Variants in UNC13D observed in about 807,000 individuals in gnomAD.
The protein encoded by UNC13D is unc-13 homolog D.
Under a neutral mutation model 151.7 loss-of-function variants are expected in UNC13D, and 115 were observed. The ratio of observed to expected loss-of-function variants is 0.76; its 90% CI spans 0.65 to 0.88. The LOEUF is 0.88. UNC13D is among the 40% of genes least tolerant of loss of function. The pLI is 0.00. For synonymous variants in UNC13D, 588 were observed against 612.2 expected, an observed-to-expected ratio of 0.96 and a Z score of 0.58; for missense variants, 1,369 against 1,438.7, an observed-to-expected ratio of 0.95 and a Z score of 0.78.
intron 29 of UNC13D, 77 bp downstream of exon 29, chr17:75,830,285 G>T: frequency 1.3e-6 from 2 of 1,565,996 alleles, no homozygotes; most frequent in Non-Finnish European, 1.7e-6. Flanking sequence ...TGCAGGGTGA[G>T]CGAAGCCCCC....
chr17:75,830,542 G>A (rs1478064878), intron 28 of UNC13D, 36 bp downstream of exon 28: 2 of 1,572,872 alleles, frequency 1.3e-6, no homozygotes, highest in East Asian at 2.3e-5. Flanking sequence ...GTGCTCCAGG[G>A]CCTGCAGAGG....
In UNC13D at chr17:75,840,781, C is replaced by G. The variant is rs1211012191; in HGVS notation, c.664G>C (p.Asp222His). The change falls in exon 8 of 32, where the codon GAT becomes CAT. Residue 222 changes from aspartate to histidine, a missense_variant. Physicochemically the swap from Asp to His is moderately conservative, Grantham distance 81. Transcript: ENST00000207549. The surrounding 1 kb of genome is among the most constrained non-coding windows in gnomAD (Gnocchi z 4.6). ...SVRQKLGELTDLHGLRRIFKE... is the reference protein window; with the variant it reads ...SVRQKLGELTHLHGLRRIFKE... ...ACGAACCTGCGAAGCCCATGCAGAT[C>G]CGTGAGCTCCCCAAGCTTCTGTCGG... 1 of 1,613,898 alleles carries G rather than the reference C, an allele frequency of 6.2e-7. No individual in the cohort carries two copies. Among genetic ancestry groups the G allele is most frequent in the Non-Finnish European group, 8.5e-7 (1 of 1,180,050 alleles).
In UNC13D at chr17:75,830,062, CCTT is replaced by C. The variant is rs777727127; in HGVS notation, c.2917_2919del (p.Lys973del). ...GTCTCATCAAACAATGGGTGAAGGT[CCTT>C]CTTGTGCTTCTGGGTCTCCCGGGCG... On this transcript the variant is annotated inframe_deletion, in exon 30 of 32. Coordinates refer to ENST00000207549, the MANE Select transcript of UNC13D (RefSeq NM_199242.3). 2 of 1,577,106 alleles carry C rather than the reference CCTT, an allele frequency of 1.3e-6. No individual in the cohort carries two copies. Among genetic ancestry groups the C allele is most frequent in the Admixed American group, 3.7e-5 (2 of 53,688 alleles).
At position 75,827,371 on chromosome 17, in the gene UNC13D, C is replaced by A; in HGVS notation, c.*594G>T. ...TTCCGTCTGTCTGTGCCAGCCCTGC[C>A]GCCTGCCAGCTCTTGCTCCCTCAGA... is the stretch of plus-strand genomic sequence containing the variant. On this transcript the variant is annotated 3_prime_UTR_variant, in exon 32 of 32. Coordinates refer to ENST00000207549, the MANE Select transcript of UNC13D (RefSeq NM_199242.3). The A allele has an allele frequency of 7.7e-7, 1 of 1,307,068 alleles. No homozygotes were observed. Among genetic ancestry groups the A allele is most frequent in the South Asian group, 1.8e-5 (1 of 54,376 alleles). The allele number at this position is 1,307,068 out of a possible 1,614,324, so 81.0% of individuals were successfully genotyped here. A position where few individuals can be genotyped will look rare whatever the true frequency, so the allele number is the denominator to read the frequency against.
rs2064886326 is a variant in UNC13D at position 75,833,491 on chromosome 17, G to A, written c.2368-446C>T. On this transcript the variant is annotated intron_variant, in intron 24 of 31. Transcript: ENST00000207549. The surrounding 1 kb of genome is among the most constrained non-coding windows in gnomAD (Gnocchi z 4.0). ...CTTATCATTATCTAGCACACTGCAT[G>A]TGTGTGCACGCGCATACACGCCTGT... is the stretch of plus-strand genomic sequence containing the variant. Among the ~76,000 whole-genome samples the A allele has an allele frequency of 1.3e-5, 2 of 152,132 alleles. No homozygotes were observed. Among genetic ancestry groups the A allele is most frequent in the Non-Finnish European group, 2.9e-5 (2 of 68,030 alleles).
chr17:75,840,577 C>G lies in UNC13D; in HGVS notation c.684-1G>C. The G allele has an allele frequency of 6.2e-7, 1 of 1,614,034 alleles. No homozygotes were observed. The highest frequency in any genetic ancestry group is 8.5e-7 in the Non-Finnish European group (1 of 1,180,026). On this transcript the variant is annotated splice_acceptor_variant, in intron 8 of 31. Coordinates refer to ENST00000207549, the MANE Select transcript of UNC13D (RefSeq NM_199242.3). LOFTEE classifies it high-confidence loss of function. This position sits in a 1 kb window ranked among gnomAD's most constrained non-coding sequence, Gnocchi z 4.6. ...GTCCTTCCGGGCCTCTTTAAAGATCCTGCGTCAGGCAGGGTCCCATAAGGG... is the reference window on the plus strand; with the variant it reads ...GTCCTTCCGGGCCTCTTTAAAGATCGTGCGTCAGGCAGGGTCCCATAAGGG...
In UNC13D at chr17:75,830,429, G is replaced by A. The variant is rs537126137; in HGVS notation, c.2763C>T (p.Arg921=). The change falls in exon 29 of 32, where the codon CGC becomes CGT. Residue 921 remains arginine, a synonymous_variant. Coordinates refer to ENST00000207549, the MANE Select transcript of UNC13D (RefSeq NM_199242.3). ...LGAVTVKASY[R]ASEQKLRVEL... is the part of the protein sequence containing the mutation. ...CCACACGCAGCTTCTGCTCAGAGGCGCGGTAGGAGGCCTTGACTGTCACAG... is the reference window on the plus strand; with the variant it reads ...CCACACGCAGCTTCTGCTCAGAGGCACGGTAGGAGGCCTTGACTGTCACAG... The A allele has an allele frequency of 6.3e-6, 10 of 1,585,366 alleles. No homozygotes were observed. Among genetic ancestry groups the A allele is most frequent in the East Asian group, 2.3e-5 (1 of 43,772 alleles).
In UNC13D at chr17:75,843,045, TG is replaced by T. The variant is rs747247512; in HGVS notation, c.289del (p.Gln97SerfsTer17). ...CTCCCTGACCCGCTGCAGTGTCTGCTGGTGCTCCTCGGGCTCCACGTGGAAG... is the reference window on the plus strand; with the variant it reads ...CTCCCTGACCCGCTGCAGTGTCTGCTGTGCTCCTCGGGCTCCACGTGGAAG... The part of the protein sequence containing the change: ...EAFHVEPEEH[Q>X]QTLQRVRELE... On this transcript the variant is annotated frameshift_variant, in exon 4 of 32. Transcript: ENST00000207549. LOFTEE classifies it high-confidence loss of function. 6.8e-7 allele frequency: 1 copy of T among 1,467,828 alleles called. No individual in the cohort carries two copies. Among genetic ancestry groups the T allele is most frequent in the South Asian group, 1.1e-5 (1 of 89,060 alleles). 90.9% of individuals were successfully genotyped at this position (1,467,828 alleles called of 1,614,324 possible). A position where few individuals can be genotyped will look rare whatever the true frequency, so the allele number is the denominator to read the frequency against.
chr17:75,843,745 T>G (rs1268935587), intron 1 of UNC13D: 2 of 1,423,650 alleles, frequency 1.4e-6, no homozygotes, highest in African/African-American at 2.9e-5. Context: ...GCGCGAGCCC[T>G]CCGCACCCGC....
At chr17:75,836,462 C>T in intron 14 of UNC13D, 33 bp from the exon 15 acceptor site, 1 of 1,612,062 alleles carries the variant, frequency 6.2e-7, no homozygotes, top group Non-Finnish European at 8.5e-7. Context: ...TCGAAAGTGC[C>T]TGCTGCCCCA....
rs2143865621 is a variant in UNC13D at position 75,830,576 on chromosome 17, A to T, written c.2709+2T>A. ...GGGCGCAGTGCGAGGGAGGGGCCTCACCTGCTGCTGGATTCGGCTGCAGAA... is the reference window on the plus strand; with the variant it reads ...GGGCGCAGTGCGAGGGAGGGGCCTCTCCTGCTGCTGGATTCGGCTGCAGAA... On this transcript the variant is annotated splice_donor_variant, in intron 28 of 31. Coordinates refer to ENST00000207549, the MANE Select transcript of UNC13D (RefSeq NM_199242.3). LOFTEE classifies it high-confidence loss of function. 1 of 1,563,132 alleles carries T rather than the reference A, an allele frequency of 6.4e-7. No homozygotes were observed. The highest frequency in any genetic ancestry group is 8.7e-7 in the Non-Finnish European group (1 of 1,153,684).
At chr17:75,830,251 T>G in intron 29 of UNC13D, 100 bp from the exon 30 acceptor site, 1 of 1,554,176 alleles carries the variant, frequency 6.4e-7, no homozygotes, top group Non-Finnish European at 8.7e-7. Flanking sequence ...TCCTGGTAAC[T>G]GGAGGAAATG....
At chr17:75,834,828 G>A in intron 21 of UNC13D, 92 bp downstream of exon 21, 1 of 1,610,958 alleles carries the variant, frequency 6.2e-7, no homozygotes. Flanking sequence ...ACAGGCCTTG[G>A]GAGGCTGCCT....
Position 75,835,891 on chromosome 17 carries a change from G to A in UNC13D, c.1560C>T (p.His520=). 6.2e-7 allele frequency: 1 copy of A among 1,614,216 alleles called. No individual in the cohort carries two copies. Among genetic ancestry groups the A allele is most frequent in the South Asian group, 1.1e-5 (1 of 91,090 alleles). Residue 520 remains histidine (H), a synonymous_variant, in exon 18 of 32, where the codon CAC becomes CAT. Transcript: ENST00000207549. ...GCTCCCGGAAAGCCATGGAGAAGAG[G>A]TGGATCTTGAGGGTACTGGAGGAAA... ...DKIFHNTLKI[H]LFSMAFRELQ... is the part of the protein sequence containing the mutation.
At position 75,830,262 on chromosome 17, in the gene UNC13D, C is replaced by T. The variant is rs1209153091; in HGVS notation, c.2830+100G>A. ...CCCCTCCTGGTAACTGGAGGAAATG[C>T]ACCCAGAGCTCCTGCAGGGTGAGCG... On this transcript the variant is annotated intron_variant, in intron 29 of 31. Coordinates refer to ENST00000207549, the MANE Select transcript of UNC13D (RefSeq NM_199242.3). The T allele has an allele frequency of 3.2e-6, 5 of 1,555,484 alleles. No homozygotes were observed. The African/African-American group carries it at 5.4e-5, about 17-fold the overall frequency.
chr17:75,827,372 G>GC lies in UNC13D; in HGVS notation c.*592dup. The GC allele has an allele frequency of 7.7e-7, 1 of 1,300,178 alleles. No individual in the cohort carries two copies. The highest frequency in any genetic ancestry group is 1.0e-6 in the Non-Finnish European group (1 of 996,616). The allele number at this position is 1,300,178 out of a possible 1,614,324, so 80.5% of individuals were successfully genotyped here. ...TCCGTCTGTCTGTGCCAGCCCTGCCGCCTGCCAGCTCTTGCTCCCTCAGAG... is the reference window on the plus strand; with the variant it reads ...TCCGTCTGTCTGTGCCAGCCCTGCCGCCCTGCCAGCTCTTGCTCCCTCAGAG... On this transcript the variant is annotated 3_prime_UTR_variant, in exon 32 of 32. Transcript: ENST00000207549.
intron 1 of UNC13D, 140 bp from the exon 2 acceptor site, chr17:75,843,659 G>T (rs9903850): frequency 1.3e-6 from 2 of 1,497,066 alleles, no homozygotes; most frequent in Non-Finnish European, 8.9e-7. Context: ...GTGATGCCCC[G>T]CACCTGTTCC....
In UNC13D at chr17:75,835,453, T is replaced by C; in HGVS notation, c.1804A>G (p.Asn602Asp). The change falls in exon 20 of 32, where the codon AAC (asparagine) becomes GAC (aspartate). Residue 602 changes from asparagine to aspartate, a missense_variant. By Grantham distance (23) the Asn-to-Asp change is conservative. Around this residue, in one of 3 missense-constraint regions of UNC13D, gnomAD observed 807 missense variants for 795.5 expected, o/e 1.01. Coordinates refer to ENST00000207549, the MANE Select transcript of UNC13D (RefSeq NM_199242.3). ...AIPSWLQKTYNEALARVQRAV... is the reference protein window; with the variant it reads ...AIPSWLQKTYDEALARVQRAV... ...CGCTGCACCCGCGCCAGGGCCTCGT[T>C]GTACGTCTTCTGCAGCCAGGAGGGG... 6.2e-7 allele frequency: 1 copy of C among 1,613,082 alleles called. No homozygotes were observed. Among genetic ancestry groups the C allele is most frequent in the African/African-American group, 1.3e-5 (1 of 75,044 alleles).
chr17:75,835,054 G>C lies in UNC13D; in HGVS notation c.1858C>G (p.Leu620Val). The C allele has an allele frequency of 1.2e-6, 2 of 1,613,900 alleles. No individual in the cohort carries two copies. Among genetic ancestry groups the C allele is most frequent in the Non-Finnish European group, 1.7e-6 (2 of 1,180,018 alleles). Residue 620 changes from leucine to valine, a missense_variant, in exon 21 of 32, where the codon CTG becomes GTG. Transcript: ENST00000207549. ...RAVQMDELVPLGELTKHSTSA... is the reference protein window; with the variant it reads ...RAVQMDELVPVGELTKHSTSA... Reference sequence around the variant, plus strand: ...GTGCTGTGCTTGGTCAGTTCACCCAGGGGCACCAGCTGGGGGAAGAAAGGA... The same window carrying C: ...GTGCTGTGCTTGGTCAGTTCACCCACGGGCACCAGCTGGGGGAAGAAAGGA...
Sources: allele counts gnomAD v4.1 joint callset (sites outside exome capture counted in the v4.1 genomes callset), GRCh38; gene constraint gnomAD v4.1.1; regional missense constraint gnomAD v4.1.1; non-coding constraint Gnocchi (gnomAD v3.1); transcripts MANE v1.5; gene names NCBI Gene and HGNC (gene_info 2026-07-23, HGNC 2026-07-21).